SMCO4: variants seen among roughly 807,000 people sequenced by gnomAD.
The protein encoded by SMCO4 is single-pass membrane and coiled-coil domain-containing protein 4.
A neutral mutation model predicts 3.6 loss-of-function variants in SMCO4; 4 were observed. The observed-to-expected ratio is 1.11, with a 90% CI of 0.54 to 2.53. The LOEUF is 2.53. Ranked by LOEUF, SMCO4 falls within the 30% of genes most tolerant of loss-of-function variation. SMCO4 has a pLI of 0.02. For synonymous variants in SMCO4, 36 were observed against 35.3 expected (o/e 1.02, Z -0.07); for missense variants, 70 against 80.8 (o/e 0.87, Z 0.51).
intron 2 of SMCO4, among the ~76,000 whole-genome samples, chr11:93,486,971 C>A (rs965854630): frequency 6.6e-6 from 1 of 152,158 alleles, no homozygotes; most frequent in African/African-American, 2.4e-5. Context: ...ATAAACAACA[C>A]GAGAAGGGTA....
chr11:93,495,075 A>G (rs527598676), intron 2 of SMCO4, among the ~76,000 whole-genome samples: 3 of 151,800 alleles, frequency 2.0e-5, no homozygotes, highest in South Asian at 2.1e-4. Flanking sequence ...TTGCACCCCT[A>G]TTCTCCCAAG....
intron 1 of SMCO4, among the ~76,000 whole-genome samples, chr11:93,507,126 C>G (rs1368648180): frequency 6.6e-6 from 1 of 152,080 alleles, no homozygotes. Flanking sequence ...ACTTCGGGGC[C>G]GGGTGCGGTG....
intron 1 of SMCO4, among the ~76,000 whole-genome samples, chr11:93,532,394 C>G (rs967833534): frequency 7.9e-5 from 12 of 152,216 alleles, no homozygotes; most frequent in Non-Finnish European, 1.6e-4. Context: ...CATCCTGCCC[C>G]CAAACCCCCA....
intron 1 of SMCO4, among the ~76,000 whole-genome samples, chr11:93,541,753 C>T (rs913906025): frequency 6.6e-6 from 1 of 152,110 alleles, no homozygotes; most frequent in Non-Finnish European, 1.5e-5. Context: ...TGTTGTTTTG[C>T]TTTTTGCAAT....
intron 1 of SMCO4, among the ~76,000 whole-genome samples, chr11:93,509,287 C>G (rs915563875): frequency 2.3e-5 from 3 of 130,206 alleles, no homozygotes; most frequent in African/African-American, 8.4e-5. Flanking sequence ...GAGACCCTGA[C>G]TCAAAAATGG....
chr11:93,501,849 C>T (rs1215325141), intron 1 of SMCO4, among the ~76,000 whole-genome samples: 1 of 152,044 alleles, frequency 6.6e-6, no homozygotes, highest in African/African-American at 2.4e-5. Context: ...GAAACACAGC[C>T]ACCCTGTTTC....
chr11:93,540,347 CAT>C (rs1401352910), intron 1 of SMCO4, among the ~76,000 whole-genome samples: 1 of 152,162 alleles, frequency 6.6e-6, no homozygotes, highest in African/African-American at 2.4e-5. Flanking sequence ...TGATTTTACA[CAT>C]GTGGAAACCA....
the SMCO4 span, among the ~76,000 whole-genome samples, chr11:93,549,637 T>A: frequency 3.4e-4 from 51 of 151,758 alleles, 1 homozygote; most frequent in Non-Finnish European, 4.9e-4. Flanking sequence ...TTTTTTTTTT[T>A]ATGTTGAGAC....
At position 93,534,375 on chromosome 11, in the gene SMCO4, T is replaced by TATAGAGAGAG. The variant is rs369643237; in HGVS notation, c.-154+8900_-154+8901insCTCTCTCTAT. Among the ~76,000 whole-genome samples, 102 of 142,138 alleles carry TATAGAGAGAG rather than the reference T, an allele frequency of 7.2e-4. 1 individual carries two copies. Among genetic ancestry groups the TATAGAGAGAG allele is most frequent in the East Asian group, 2.5e-3 (12 of 4,860 alleles). 93.2% of individuals were successfully genotyped at this position (142,138 alleles called of 152,430 possible). A position where few individuals can be genotyped will look rare whatever the true frequency, so the allele number is the denominator to read the frequency against. ...ACACATACATATATATATATATATATAGAGAGAGAGAGAGAGAGAGATACA... is the reference window on the plus strand; with the variant it reads ...ACACATACATATATATATATATATATATAGAGAGAGAGAGAGAGAGAGAGAGAGAGATACA... On this transcript the variant is annotated intron_variant, in intron 1 of 2. Coordinates refer to ENST00000298966, the MANE Select transcript of SMCO4 (RefSeq NM_020179.3).
intron 2 of SMCO4, 72 bp from the exon 3 acceptor site, chr11:93,479,341 T>C (rs1438725016): frequency 5.3e-6 from 7 of 1,325,266 alleles, no homozygotes; most frequent in Non-Finnish European, 6.9e-6. Context: ...TAAAGGCAAA[T>C]ACACAACTAG....
intron 1 of SMCO4, among the ~76,000 whole-genome samples, chr11:93,534,211 TATATACACACACACACACACACAC>T (rs1949191134): frequency 1.0e-5 from 1 of 97,010 alleles, no homozygotes; most frequent in East Asian, 3.1e-4. Context: ...AAAAAATATA[TATATACACACACACACACACACAC>T]ACACACACAC....
the SMCO4 span, among the ~76,000 whole-genome samples, chr11:93,550,074 G>A: frequency 1.7e-4 from 26 of 152,122 alleles, no homozygotes; most frequent in African/African-American, 6.3e-4. Context: ...CATGCTTACT[G>A]CCCTGTTTTC....
intron 2 of SMCO4, among the ~76,000 whole-genome samples, chr11:93,484,148 G>A (rs1051012126): frequency 3.9e-5 from 6 of 152,168 alleles, no homozygotes; most frequent in Admixed American, 2.6e-4. Context: ...CACGGCAACC[G>A]GTCAGCATGG....
rs191129558 is a variant in SMCO4 at position 93,522,062 on chromosome 11, C to A, written c.-154+21214G>T. Among the ~76,000 whole-genome samples, 421 of 151,848 alleles carry A rather than the reference C, an allele frequency of 2.8e-3. 1 individual carries two copies. The highest frequency in any genetic ancestry group is 9.5e-3 in the African/African-American group (391 of 41,344). The stretch of plus-strand genomic sequence containing the variant: ...GATTGTGATTAACAGTTTGAAAAGC[C>A]CCAACTCTAGCCCCTTTTTGGCACA... On this transcript the variant is annotated intron_variant, in intron 1 of 2. Coordinates refer to ENST00000298966, the MANE Select transcript of SMCO4 (RefSeq NM_020179.3).
At chr11:93,552,442 GTTATTA>G in the SMCO4 span, among the ~76,000 whole-genome samples, 7,468 of 130,150 alleles carry the variant, frequency 0.057, 294 homozygotes, top group African/African-American at 0.11. Context: ...GCCCAGCCAC[GTTATTA>G]TTATTATTAT....
At chr11:93,552,079 T>G in the SMCO4 span, among the ~76,000 whole-genome samples, 1 of 151,922 alleles carries the variant, frequency 6.6e-6, no homozygotes, top group South Asian at 2.1e-4. Context: ...AGCCATATTC[T>G]GACTTTGGAA....
At chr11:93,514,374 C>CTATATATATATATATATATA (rs148462986) in intron 1 of SMCO4, among the ~76,000 whole-genome samples, 4 of 39,096 alleles carry the variant, frequency 1.0e-4, no homozygotes, top group African/African-American at 7.9e-5. Flanking sequence ...CAGGATGAGG[C>CTATATATATATATATATATA]TATATATATA....
At chr11:93,482,199 A>C (rs1256689519) in intron 2 of SMCO4, among the ~76,000 whole-genome samples, 1 of 152,210 alleles carries the variant, frequency 6.6e-6, no homozygotes, top group East Asian at 1.9e-4. Flanking sequence ...CAGCAAGGGA[A>C]AGCATCTCTG....
intron 1 of SMCO4, among the ~76,000 whole-genome samples, chr11:93,526,098 T>C (rs747836587): frequency 6.6e-6 from 1 of 152,256 alleles, no homozygotes; most frequent in East Asian, 1.9e-4. Context: ...GGTTTGAGTA[T>C]ACATATCTTC....
Sources: allele counts gnomAD v4.1 joint callset (sites outside exome capture counted in the v4.1 genomes callset), GRCh38; gene constraint gnomAD v4.1.1; transcripts MANE v1.5; gene names NCBI Gene and HGNC (gene_info 2026-07-23, HGNC 2026-07-21).